The following CCDC62 variants were observed in gnomAD, a reference collection of about 807,000 sequenced individuals.
CCDC62 encodes coiled-coil domain containing 62, also known as coiled-coil domain-containing protein 62.
In CCDC62, 72 loss-of-function variants were observed where a neutral mutation model predicts 80.8. The observed-to-expected ratio is 0.89, with a 90% CI of 0.74 to 1.08. The LOEUF (loss-of-function observed/expected upper bound fraction) is 1.08. Among genes scored for constraint, CCDC62 ranks in the 50% least tolerant of loss-of-function variants. The probability of loss-of-function intolerance (pLI) is 0.00; values close to 1 mark genes in which losing one functional copy is unlikely to be tolerated. For synonymous variants in CCDC62, 286 were observed against 296.5 expected (o/e 0.96, Z 0.36); for missense variants, 704 against 809.4 (o/e 0.87, Z 1.58).
chr12:122,792,324 G>A (rs187473703), intron 6 of CCDC62, among the ~76,000 whole-genome samples: 2 of 149,580 alleles, frequency 1.3e-5, no homozygotes, highest in Non-Finnish European at 1.5e-5. Flanking sequence ...GGGCCCAAGC[G>A]ATTCTCCTGC....
chr12:122,779,041 A>C (rs190104974), intron 2 of CCDC62, among the ~76,000 whole-genome samples: 4 of 152,342 alleles, frequency 2.6e-5, no homozygotes, highest in Admixed American at 2.6e-4. Context: ...TTATATAGAC[A>C]TGTTAAAGAA....
At chr12:122,794,525 T>A (rs1309764540) in intron 6 of CCDC62, among the ~76,000 whole-genome samples, 2 of 152,178 alleles carry the variant, frequency 1.3e-5, no homozygotes, top group African/African-American at 4.8e-5. Flanking sequence ...TCCTTAAACA[T>A]CTTCTTAACT....
intron 9 of CCDC62, 97 bp from the exon 10 acceptor site, chr12:122,806,054 A>C (rs1008298902): frequency 8.9e-7 from 1 of 1,122,738 alleles, no homozygotes; most frequent in South Asian, 1.9e-5. Flanking sequence ...TAACAAAAAC[A>C]CTTATTTGTC....
In CCDC62 at chr12:122,785,604, A is replaced by G. The variant is rs1402663849; in HGVS notation, c.397-115A>G. ...CCATTACCAACTCTTTTTTGTTACT[A>G]ACGAGTTAAACAAGGAAAAAACAAA... On this transcript the variant is annotated intron_variant, in intron 3 of 12. Transcript: ENST00000253079. The G allele has an allele frequency of 1.1e-5, 8 of 718,738 alleles. No homozygotes were observed. The African/African-American group carries it at 1.4e-4, about 13-fold the overall frequency. 44.5% of individuals were successfully genotyped at this position (718,738 alleles called of 1,614,324 possible).
intron 2 of CCDC62, among the ~76,000 whole-genome samples, chr12:122,779,732 A>C (rs975015228): frequency 1.3e-4 from 19 of 151,900 alleles, no homozygotes; most frequent in African/African-American, 4.6e-4. Flanking sequence ...ACATGGTGAA[A>C]CCCTGTCTCT....
intron 9 of CCDC62, among the ~76,000 whole-genome samples, chr12:122,804,405 T>C (rs1482275125): frequency 6.6e-6 from 1 of 152,156 alleles, no homozygotes; most frequent in Admixed American, 6.5e-5. Flanking sequence ...AAGAATCACT[T>C]GAACCCAGGA....
chr12:122,801,621 G>T lies in CCDC62; in HGVS notation c.1475G>T (p.Arg492Met), dbSNP rs778931723. The change falls in exon 9 of 13, where the codon AGG (arginine) becomes ATG (methionine). Residue 492 changes from arginine to methionine, a missense_variant. Physicochemically the swap from Arg to Met is moderately conservative, Grantham distance 91. Coordinates refer to ENST00000253079, the MANE Select transcript of CCDC62 (RefSeq NM_201435.5). Reference protein sequence around the residue: ...LDVECQDQMERSEISCCQKNE... With the variant: ...LDVECQDQMEMSEISCCQKNE... ...GTAGAATGTCAAGATCAGATGGAAA[G>T]GTCCGAAATCTCATGCTGCCAGAAA... The T allele has an allele frequency of 1.2e-6, 2 of 1,614,182 alleles. No homozygotes were observed. Among genetic ancestry groups the T allele is most frequent in the South Asian group, 1.1e-5 (1 of 91,078 alleles).
chr12:122,813,515 TAGAG>T, intron 11 of CCDC62, 96 bp downstream of exon 11: 1 of 1,164,448 alleles, frequency 8.6e-7, no homozygotes, highest in Non-Finnish European at 1.2e-6. Flanking sequence ...GCCTTTCTGT[TAGAG>T]GGAGAGTTTC....
Position 122,813,495 on chromosome 12 carries a change from C to T in CCDC62, c.2001+76C>T, listed in dbSNP as rs553809048. On this transcript the variant is annotated intron_variant, in intron 11 of 12. Coordinates refer to ENST00000253079, the MANE Select transcript of CCDC62 (RefSeq NM_201435.5). Reference sequence around the variant, plus strand: ...CTGAACACCAGTGTGCAAATATCACCGGCAGGGCGGCCTTTCTGTTAGAGG... The same window carrying T: ...CTGAACACCAGTGTGCAAATATCACTGGCAGGGCGGCCTTTCTGTTAGAGG... The T allele has an allele frequency of 1.6e-5, 22 of 1,371,258 alleles. No homozygotes were observed. In the East Asian group the frequency reaches 2.7e-4, roughly 17 times the overall value. 84.9% of individuals were successfully genotyped at this position (1,371,258 alleles called of 1,614,324 possible).
chr12:122,812,773 GAGAGAGAAAGAA>G (rs1183191166), intron 10 of CCDC62, among the ~76,000 whole-genome samples: 4,701 of 68,524 alleles, frequency 0.069, 139 homozygotes, highest in Middle Eastern at 0.13. Flanking sequence ...GAGAGAGAGA[GAGAGAGAAAGAA>G]AGAAAGAAAG....
intron 2 of CCDC62, among the ~76,000 whole-genome samples, chr12:122,780,922 T>C (rs1879817293): frequency 6.6e-6 from 1 of 152,200 alleles, no homozygotes; most frequent in Admixed American, 6.5e-5. Flanking sequence ...ATCAGGGTCA[T>C]GGTTGGGAAC....
chr12:122,797,965 CTCTAGT>C (rs1380837866), intron 7 of CCDC62, 114 bp from the exon 8 acceptor site: 5 of 617,868 alleles, frequency 8.1e-6, no homozygotes, highest in Non-Finnish European at 8.8e-6. Flanking sequence ...TAGCATATTT[CTCTAGT>C]AACTATCTGA....
At chr12:122,804,857 G>C (rs1337218859) in intron 9 of CCDC62, among the ~76,000 whole-genome samples, 3 of 150,866 alleles carry the variant, frequency 2.0e-5, no homozygotes, top group African/African-American at 7.3e-5. Flanking sequence ...CAAGACTACG[G>C]GCACGAGTCA....
chr12:122,781,062 T>A (rs1281484400), intron 2 of CCDC62, 102 bp from the exon 3 acceptor site: 1 of 854,568 alleles, frequency 1.2e-6, no homozygotes, highest in Non-Finnish European at 1.8e-6. Flanking sequence ...ATTGTCTTTT[T>A]AAAAATTCTC....
At chr12:122,826,252 C>T (rs962145257) in intron 12 of CCDC62, among the ~76,000 whole-genome samples, 170 bp from the exon 13 acceptor site, 1 of 151,458 alleles carries the variant, frequency 6.6e-6, no homozygotes, top group Non-Finnish European at 1.5e-5. Context: ...CTCCTCCTCT[C>T]CCCTCCCTCT....
chr12:122,785,415 A>C (rs566353242), intron 3 of CCDC62, among the ~76,000 whole-genome samples: 2 of 152,332 alleles, frequency 1.3e-5, no homozygotes, highest in African/African-American at 4.8e-5. Flanking sequence ...AGATACTAGG[A>C]AATAGACATG....
chr12:122,792,009 CTG>C lies in CCDC62; in HGVS notation c.671-9_671-8del, dbSNP rs763117139. ...TTTATTTGAGGACTTTCTTTTTCTT[CTG>C]TTGTGAAGAGGACCTCAATGAAAAG... On this transcript the variant is annotated splice_polypyrimidine_tract_variant and intron_variant, in intron 5 of 12. Coordinates refer to ENST00000253079, the MANE Select transcript of CCDC62 (RefSeq NM_201435.5). The C allele has an allele frequency of 1.2e-5, 19 of 1,584,960 alleles. No homozygotes were observed. The highest frequency in any genetic ancestry group is 9.4e-5 in the African/African-American group (7 of 74,282).
intron 10 of CCDC62, among the ~76,000 whole-genome samples, chr12:122,811,505 C>T (rs2031882979): frequency 1.4e-5 from 2 of 139,222 alleles, no homozygotes; most frequent in Admixed American, 7.8e-5. Context: ...GCCACCGTGC[C>T]CGGCTGAAAT....
At chr12:122,782,135 G>A (rs1287289472) in intron 3 of CCDC62, among the ~76,000 whole-genome samples, 2 of 151,824 alleles carry the variant, frequency 1.3e-5, no homozygotes, top group Non-Finnish European at 2.9e-5. Flanking sequence ...AGGAGTCCAA[G>A]TCCAGCCTGG....
Sources: gnomAD v4.1 joint callset for allele counts (sites outside exome capture counted in the v4.1 genomes callset) on GRCh38, gnomAD v4.1.1 for gene constraint, MANE v1.5 for transcripts, NCBI Gene and HGNC (gene_info 2026-07-23, HGNC 2026-07-21) for gene names.